The following PALM2AKAP2 variants were observed in gnomAD, a reference collection of about 807,000 sequenced individuals.
PALM2AKAP2 encodes PALM2 and AKAP2 fusion, also known as PALM2-AKAP2 fusion protein.
A neutral mutation model predicts 71.5 loss-of-function variants in PALM2AKAP2; 37 were observed. The observed-to-expected ratio is 0.52, with a 90% CI of 0.40 to 0.68. The LOEUF (loss-of-function observed/expected upper bound fraction) is 0.68, where lower values mean the gene tolerates loss of function less well. Ranked by LOEUF, PALM2AKAP2 falls within the 30% of genes least tolerant of loss-of-function variation. PALM2AKAP2 has a pLI of 0.00. For missense variants in PALM2AKAP2, 1,224 were observed against 1,191.8 expected, an observed-to-expected ratio of 1.03 and a Z score of -0.40; for synonymous variants, 468 against 478.8, an observed-to-expected ratio of 0.98 and a Z score of 0.29.
intron 6 of PALM2AKAP2, among the ~76,000 whole-genome samples, chr9:109,988,758 G>T (rs149102805): frequency 6.6e-6 from 1 of 152,160 alleles, no homozygotes; most frequent in East Asian, 1.9e-4. Flanking sequence ...GAAGTGAAGG[G>T]ATAGTAATGT....
intron 3 of PALM2AKAP2, among the ~76,000 whole-genome samples, chr9:109,907,026 C>T (rs1313720503): frequency 1.3e-5 from 2 of 152,182 alleles, no homozygotes; most frequent in Non-Finnish European, 2.9e-5. Context: ...GCCCCTTTGT[C>T]CATGTTATCA....
At chr9:110,166,146 C>T (rs1444536108) in intron 3 of PALM2AKAP2, among the ~76,000 whole-genome samples, 1 of 152,168 alleles carries the variant, frequency 6.6e-6, no homozygotes, top group Non-Finnish European at 1.5e-5. Context: ...ATTATTCCAT[C>T]ATAGTTTGAG....
chr9:109,742,181 A>C (rs936351028), intron 1 of PALM2AKAP2, among the ~76,000 whole-genome samples: 2 of 151,348 alleles, frequency 1.3e-5, no homozygotes, highest in African/African-American at 4.8e-5. Context: ...TAGCCTGTGG[A>C]TGTACTCATT....
chr9:109,795,167 AAT>A (rs1400112709), intron 1 of PALM2AKAP2, among the ~76,000 whole-genome samples: 4 of 152,224 alleles, frequency 2.6e-5, no homozygotes, highest in Non-Finnish European at 5.9e-5. Flanking sequence ...CTATCCATTA[AAT>A]GCTAGTAGCA....
At chr9:110,148,720 G>T (rs534872424) in intron 2 of PALM2AKAP2, 37 of 152,280 alleles carry the variant, frequency 2.4e-4, no homozygotes, top group African/African-American at 7.7e-4. Flanking sequence ...GATTTTGTTC[G>T]GTTCAGTTTG....
At chr9:109,841,379 G>C (rs561061807) in intron 1 of PALM2AKAP2, among the ~76,000 whole-genome samples, 78 of 148,288 alleles carry the variant, frequency 5.3e-4, no homozygotes, top group African/African-American at 1.9e-3. Context: ...GGTGGGGGTA[G>C]GGGGGAGGGA....
At chr9:109,964,602 G>C (rs150479802) in intron 6 of PALM2AKAP2, among the ~76,000 whole-genome samples, 411 of 152,348 alleles carry the variant, frequency 2.7e-3, no homozygotes, top group African/African-American at 9.1e-3. Context: ...AAACCCCACA[G>C]TACTGGTCAC....
At chr9:110,069,207 T>C (rs1008439181) in intron 1 of PALM2AKAP2, among the ~76,000 whole-genome samples, 4 of 152,224 alleles carry the variant, frequency 2.6e-5, no homozygotes, top group African/African-American at 9.6e-5. Flanking sequence ...CAGTAATACC[T>C]ATGATTAGCT....
At chr9:109,885,262 T>C (rs1829939309) in intron 3 of PALM2AKAP2, among the ~76,000 whole-genome samples, 1 of 152,162 alleles carries the variant, frequency 6.6e-6, no homozygotes, top group Admixed American at 6.5e-5. Flanking sequence ...TTATTATATG[T>C]GGTGCTTAGC....
At chr9:110,005,966 G>T (rs139424174) in intron 6 of PALM2AKAP2, among the ~76,000 whole-genome samples, 1 of 152,132 alleles carries the variant, frequency 6.6e-6, no homozygotes, top group Non-Finnish European at 1.5e-5. Context: ...CTGACCCCTT[G>T]CACTTCCCAG....
At chr9:109,715,626 G>A (rs1291252939) in intron 1 of PALM2AKAP2, among the ~76,000 whole-genome samples, 1 of 152,140 alleles carries the variant, frequency 6.6e-6, no homozygotes, top group Non-Finnish European at 1.5e-5. Context: ...CTTCTGAAAT[G>A]CTCATTCCTC....
rs561858028 is a variant in PALM2AKAP2 at position 109,839,996 on chromosome 9, T to C, written c.46-27495T>C. 6.2e-4 allele frequency among the ~76,000 whole-genome samples: 95 copies of C among 152,202 alleles called. 1 individual carries two copies. The highest frequency in any genetic ancestry group is 4.3e-3 in the Admixed American group (65 of 15,288). On this transcript the variant is annotated intron_variant, in intron 1 of 9. Coordinates refer to the PALM2AKAP2 transcript ENST00000302798. ...ATCAAGCTACCAATGACTTTCTTCA[T>C]AGAATTGGAAAAAACTATTTTAAAG... is the stretch of plus-strand genomic sequence containing the variant.
chr9:109,802,401 G>A (rs1054659150), intron 1 of PALM2AKAP2, among the ~76,000 whole-genome samples: 2 of 152,202 alleles, frequency 1.3e-5, no homozygotes, highest in African/African-American at 4.8e-5. Flanking sequence ...TACAAATTAT[G>A]TAGCCAGCAG....
At chr9:109,877,851 T>C (rs771162060) in intron 2 of PALM2AKAP2, among the ~76,000 whole-genome samples, 5 of 152,178 alleles carry the variant, frequency 3.3e-5, no homozygotes, top group Non-Finnish European at 7.4e-5. Flanking sequence ...TTCCTGAGAG[T>C]AAATTTCAGA....
intron 1 of PALM2AKAP2, among the ~76,000 whole-genome samples, chr9:109,761,027 T>A (rs1829043808): frequency 6.6e-6 from 1 of 152,220 alleles, no homozygotes; most frequent in South Asian, 2.1e-4. Context: ...GAATATGGTT[T>A]ATGTTCATTA....
At chr9:109,798,052 C>CT (rs1309523283) in intron 1 of PALM2AKAP2, among the ~76,000 whole-genome samples, 2 of 146,886 alleles carry the variant, frequency 1.4e-5, no homozygotes, top group Middle Eastern at 3.2e-3. Context: ...TTGGTTTCTT[C>CT]TGAGGGTTGT....
exon 4 of PALM2AKAP2, chr9:110,168,670 C>T: frequency 1.3e-6 from 1 of 773,152 alleles, no homozygotes; most frequent in Non-Finnish European, 1.9e-6. Flanking sequence ...AAAGGAAGTC[C>T]CCCCATCAGA....
intron 1 of PALM2AKAP2, among the ~76,000 whole-genome samples, chr9:109,800,004 G>T (rs540138157): frequency 1.3e-5 from 2 of 152,258 alleles, no homozygotes; most frequent in African/African-American, 4.8e-5. Flanking sequence ...CTTATTTTTA[G>T]GGAAAGCTAA....
intron 1 of PALM2AKAP2, among the ~76,000 whole-genome samples, chr9:110,085,974 G>A (rs1290685112): frequency 6.6e-6 from 1 of 152,068 alleles, no homozygotes; most frequent in Non-Finnish European, 1.5e-5. Context: ...GGGCATGGTG[G>A]TGTGTGCCTG....
Sources: allele counts gnomAD v4.1 joint callset (sites outside exome capture counted in the v4.1 genomes callset), GRCh38; gene constraint gnomAD v4.1.1; transcripts MANE v1.5; gene names NCBI Gene and HGNC (gene_info 2026-07-23, HGNC 2026-07-21).